Variants in MED13L observed in about 807,000 individuals in gnomAD.
MED13L encodes mediator complex subunit 13L.
MED13L carries 7 observed loss-of-function variants against 220.9 expected under a neutral mutation model. The observed-to-expected ratio is 0.03, with a 90% CI of 0.02 to 0.06. MED13L has a LOEUF of 0.06. Among genes scored for constraint, MED13L ranks in the 10% least tolerant of loss-of-function variants. MED13L has a pLI of 1.00. For synonymous variants in MED13L, 1,011 were observed against 1,015.2 expected, an observed-to-expected ratio of 1.00 and a Z score of 0.08; for missense variants, 1,965 against 2,760.5, an observed-to-expected ratio of 0.71 and a Z score of 6.46.
At chr12:116,054,025 G>A (rs1868735834) in intron 4 of MED13L, among the ~76,000 whole-genome samples, 1 of 152,080 alleles carries the variant, frequency 6.6e-6, no homozygotes, top group African/African-American at 2.4e-5. Flanking sequence ...TAGAAAGGCT[G>A]CTTACAAATT....
chr12:116,198,841 T>TA (rs1282295300), intron 2 of MED13L, among the ~76,000 whole-genome samples: 1 of 152,184 alleles, frequency 6.6e-6, no homozygotes, highest in Non-Finnish European at 1.5e-5. Context: ...GGAGAAATAG[T>TA]AAAATGAATT....
intron 2 of MED13L, among the ~76,000 whole-genome samples, chr12:116,180,662 G>A (rs1346674799): frequency 1.3e-5 from 2 of 152,130 alleles, no homozygotes; most frequent in Non-Finnish European, 2.9e-5. Flanking sequence ...ATCTACACGA[G>A]ATCCCGCCCT....
intron 2 of MED13L, among the ~76,000 whole-genome samples, chr12:116,154,525 G>A (rs1878282619): frequency 6.6e-6 from 1 of 152,096 alleles, no homozygotes; most frequent in Non-Finnish European, 1.5e-5. Flanking sequence ...CCCATGTTGT[G>A]AGATCAAACT....
intron 4 of MED13L, among the ~76,000 whole-genome samples, chr12:116,058,868 C>T (rs894367008): frequency 7.9e-5 from 12 of 152,122 alleles, no homozygotes; most frequent in African/African-American, 2.9e-4. Context: ...TGCAGACTGA[C>T]TCACGACTAT....
intron 4 of MED13L, among the ~76,000 whole-genome samples, chr12:116,023,904 ACT>A (rs1393313781): frequency 4.6e-5 from 7 of 152,212 alleles, no homozygotes; most frequent in African/African-American, 1.7e-4. Flanking sequence ...CAGTAAAAAT[ACT>A]CTGTCCTTTA....
chr12:116,019,186 G>A lies in MED13L; in HGVS notation c.1009+38C>T, dbSNP rs376763033. On this transcript the variant is annotated intron_variant, in intron 7 of 30. Transcript: ENST00000281928. Reference sequence around the variant, plus strand: ...GCAGGTAGACTATACAATTGTCTGAGATCTCTTCTCCCCAGGACACTCCTG... The same window carrying A: ...GCAGGTAGACTATACAATTGTCTGAAATCTCTTCTCCCCAGGACACTCCTG... 10 of 1,592,250 alleles carry A rather than the reference G, an allele frequency of 6.3e-6. No individual in the cohort carries two copies. In the African/African-American group the frequency reaches 1.2e-4, roughly 19 times the overall value.
At chr12:116,212,299 T>A (rs180877707) in intron 2 of MED13L, among the ~76,000 whole-genome samples, 2 of 152,270 alleles carry the variant, frequency 1.3e-5, no homozygotes, top group East Asian at 3.9e-4. Flanking sequence ...ACCCATGAGA[T>A]TAAGTTGTTA....
intron 1 of MED13L, among the ~76,000 whole-genome samples, chr12:116,252,347 C>T (rs1246986006): frequency 6.6e-6 from 1 of 151,974 alleles, no homozygotes. Context: ...TAAAATCCAG[C>T]ATGGGCAACA....
chr12:116,270,490 C>T (rs1476367596), intron 1 of MED13L, among the ~76,000 whole-genome samples: 1 of 151,976 alleles, frequency 6.6e-6, no homozygotes, highest in Non-Finnish European at 1.5e-5. Flanking sequence ...TAAAGGAACA[C>T]GAATTTTAAA....
At chr12:116,085,604 T>C (rs1871591924) in intron 4 of MED13L, among the ~76,000 whole-genome samples, 1 of 152,006 alleles carries the variant, frequency 6.6e-6, no homozygotes, top group African/African-American at 2.4e-5. Context: ...TTATAGATCC[T>C]GAGTAGAAAA....
At chr12:116,257,892 A>C (rs962599725) in intron 1 of MED13L, among the ~76,000 whole-genome samples, 2 of 151,600 alleles carry the variant, frequency 1.3e-5, no homozygotes, top group South Asian at 2.1e-4. Context: ...AGTCTAAGAC[A>C]AAAAAAAATC....
intron 2 of MED13L, among the ~76,000 whole-genome samples, chr12:116,234,226 T>G (rs2138444891): frequency 6.6e-6 from 1 of 151,994 alleles, no homozygotes; most frequent in African/African-American, 2.4e-5. Context: ...TATTTATTTA[T>G]TTATTTATTT....
At position 115,991,205 on chromosome 12, in the gene MED13L, T is replaced by C. The variant is rs368634078; in HGVS notation, c.3749A>G (p.Asn1250Ser). The C allele has an allele frequency of 8.7e-6, 14 of 1,614,076 alleles. No individual in the cohort carries two copies. In the African/African-American group the frequency reaches 1.1e-4, roughly 12 times the overall value. ...GCTTACACAGGGAAGAGTTTGGCGA[T>C]TGTTAGAGGAAATGTAGTCCAGGAA... is the stretch of plus-strand genomic sequence containing the variant. ...LNFLDYISSN[N>S]RQTLPCVSWS... Residue 1250 changes from asparagine to serine, a missense_variant, in exon 17 of 31, where the codon AAT becomes AGT. Physicochemically the swap from Asn to Ser is conservative, Grantham distance 46 (BLOSUM62 1). Transcript: ENST00000281928. The surrounding 1 kb of genome is among the most constrained non-coding windows in gnomAD (Gnocchi z 7.7).
intron 23 of MED13L, among the ~76,000 whole-genome samples, chr12:115,977,973 G>A (rs1245653169): frequency 6.6e-6 from 1 of 152,084 alleles, no homozygotes; most frequent in Non-Finnish European, 1.5e-5. Context: ...ACCACCCTGG[G>A]TGACAGAGCG....
chr12:115,980,515 G>A, intron 23 of MED13L: 1 of 565,106 alleles, frequency 1.8e-6, no homozygotes, highest in Non-Finnish European at 3.2e-6. Context: ...GTAGAGATGG[G>A]GTCTTGCTAT....
intron 4 of MED13L, among the ~76,000 whole-genome samples, chr12:116,048,301 G>A (rs1163357521): frequency 1.3e-5 from 2 of 152,144 alleles, no homozygotes; most frequent in Admixed American, 6.5e-5. Flanking sequence ...ATTACAGTGG[G>A]CTGAACTGGG....
chr12:116,095,066 G>A (rs1362111169), intron 4 of MED13L, among the ~76,000 whole-genome samples: 2 of 152,266 alleles, frequency 1.3e-5, no homozygotes, highest in East Asian at 3.9e-4. Context: ...GGAGGCTGAA[G>A]TGGGAGGATC....
intron 4 of MED13L, among the ~76,000 whole-genome samples, chr12:116,043,010 TAA>T (rs140042774): frequency 0.043 from 6,619 of 152,262 alleles, 177 homozygotes; most frequent in East Asian, 0.084. Context: ...CGTAAACTTT[TAA>T]TTTTTTTATT....
intron 3 of MED13L, 46 bp downstream of exon 3, chr12:116,111,382 T>C (rs1333940523): frequency 1.4e-6 from 2 of 1,480,604 alleles, no homozygotes; most frequent in Non-Finnish European, 1.9e-6. Flanking sequence ...TATCTAGCAA[T>C]ATACTTGGTT....
Sources: gnomAD v4.1 joint callset for allele counts (sites outside exome capture counted in the v4.1 genomes callset) on GRCh38, gnomAD v4.1.1 for gene constraint, Gnocchi (gnomAD v3.1) non-coding constraint, MANE v1.5 for transcripts, NCBI Gene and HGNC (gene_info 2026-07-23, HGNC 2026-07-21) for gene names.